DRC8: variants seen among roughly 807,000 people sequenced by gnomAD.
DRC8 encodes dynein regulatory complex subunit 8, also known as dynein regulatory complex protein 8.
At chr1:245,067,676 C>T in the DRC8 span, among the ~76,000 whole-genome samples, 1 of 151,984 alleles carries the variant, frequency 6.6e-6, no homozygotes, top group Non-Finnish European at 1.5e-5. Context: ...AGAACAAGAT[C>T]CACGTAATCT....
the DRC8 span, chr1:245,002,164 T>C: frequency 2.9e-5 from 46 of 1,610,020 alleles, no homozygotes; most frequent in Middle Eastern, 1.6e-4. Context: ...CGGACTTTAC[T>C]GATCGAACAT....
chr1:245,054,303 C>G, the DRC8 span, among the ~76,000 whole-genome samples: 1 of 152,108 alleles, frequency 6.6e-6, no homozygotes, highest in South Asian at 2.1e-4. Flanking sequence ...CCTCACGCCT[C>G]AGCCTCATGA....
chr1:245,124,198 G>C, the DRC8 span: 3 of 170,832 alleles, frequency 1.8e-5, no homozygotes, highest in Admixed American at 1.7e-4. Flanking sequence ...GGTGTCACTA[G>C]GTACCACGTT....
At chr1:244,995,928 C>T in the DRC8 span, among the ~76,000 whole-genome samples, 372 of 152,364 alleles carry the variant, frequency 2.4e-3, 3 homozygotes, top group African/African-American at 7.6e-3. Flanking sequence ...GCATGTGTTA[C>T]GCCAGCTCCC....
chr1:244,969,866 G>T, the DRC8 span: 5 of 418,724 alleles, frequency 1.2e-5, no homozygotes, highest in South Asian at 1.8e-4. Flanking sequence ...GCCGCTTCCC[G>T]GCGGGAGGCG....
At chr1:245,053,794 G>A in the DRC8 span, among the ~76,000 whole-genome samples, 1 of 152,218 alleles carries the variant, frequency 6.6e-6, no homozygotes, top group East Asian at 1.9e-4. Context: ...CAGCAGAGAA[G>A]AGGATGGTGA....
chr1:245,076,109 T>G, the DRC8 span, among the ~76,000 whole-genome samples: 25 of 152,310 alleles, frequency 1.6e-4, no homozygotes, highest in African/African-American at 5.5e-4. Context: ...GAGGCAAACT[T>G]CTGTATAAAC....
At chr1:245,114,839 C>T in the DRC8 span, among the ~76,000 whole-genome samples, 1 of 152,164 alleles carries the variant, frequency 6.6e-6, no homozygotes, top group African/African-American at 2.4e-5. Context: ...GATTCTCTTG[C>T]CTCAGCCTCC....
At chr1:245,062,696 T>C in the DRC8 span, among the ~76,000 whole-genome samples, 25 of 152,172 alleles carry the variant, frequency 1.6e-4, no homozygotes, top group Admixed American at 3.3e-4. Flanking sequence ...TTTATTGGGG[T>C]GACCATCTGC....
the DRC8 span, among the ~76,000 whole-genome samples, chr1:245,047,318 G>A: frequency 1.3e-5 from 2 of 152,156 alleles, no homozygotes; most frequent in Non-Finnish European, 2.9e-5. Flanking sequence ...TTACACTAAA[G>A]TAAACTAATG....
chr1:245,053,566 A>G, the DRC8 span, among the ~76,000 whole-genome samples: 1 of 152,230 alleles, frequency 6.6e-6, no homozygotes, highest in African/African-American at 2.4e-5. Context: ...AGCAGTTTGT[A>G]GGTGTACAGG....
chr1:244,975,860 A>T, the DRC8 span, among the ~76,000 whole-genome samples: 1 of 152,034 alleles, frequency 6.6e-6, no homozygotes. Flanking sequence ...ACTCTGTCTC[A>T]AAATAAATAA....
At chr1:245,071,709 C>A in the DRC8 span, among the ~76,000 whole-genome samples, 60 of 152,290 alleles carry the variant, frequency 3.9e-4, no homozygotes, top group East Asian at 9.4e-3. Flanking sequence ...GCTCATTGAT[C>A]AGTTTCTGGA....
At chr1:244,990,871 C>T in the DRC8 span, among the ~76,000 whole-genome samples, 4 of 151,854 alleles carry the variant, frequency 2.6e-5, no homozygotes, top group Admixed American at 2.6e-4. Flanking sequence ...TAGTTCTACT[C>T]AGTACTTCTG....
At chr1:245,100,785 AAAAT>A in the DRC8 span, among the ~76,000 whole-genome samples, 7 of 136,868 alleles carry the variant, frequency 5.1e-5, no homozygotes, top group Admixed American at 7.8e-5. Flanking sequence ...CTGTCTCAAC[AAAAT>A]AAATAATAAT....
the DRC8 span, chr1:245,087,427 A>G: frequency 1.8e-5 from 27 of 1,507,412 alleles, no homozygotes; most frequent in African/African-American, 1.4e-5. Flanking sequence ...TTAATTTCAC[A>G]TCTTATCTTA....
the DRC8 span, among the ~76,000 whole-genome samples, chr1:245,027,937 G>A: frequency 1.3e-5 from 2 of 151,548 alleles, no homozygotes; most frequent in African/African-American, 4.9e-5. Flanking sequence ...TGTCACCCAG[G>A]CAGGAATGCA....
the DRC8 span, among the ~76,000 whole-genome samples, chr1:245,011,346 G>A: frequency 6.6e-6 from 1 of 152,068 alleles, no homozygotes; most frequent in East Asian, 1.9e-4. Flanking sequence ...TTATTCACAC[G>A]GAAGTACTTA....
chr1:245,075,990 G>A, the DRC8 span, among the ~76,000 whole-genome samples: 3 of 152,188 alleles, frequency 2.0e-5, no homozygotes, highest in Non-Finnish European at 4.4e-5. Flanking sequence ...TCTAGACATG[G>A]GGCGAGGCAA....
Sources: gnomAD v4.1 joint callset for allele counts (sites outside exome capture counted in the v4.1 genomes callset) on GRCh38, gnomAD v4.1.1 for gene constraint, MANE v1.5 for transcripts, NCBI Gene and HGNC (gene_info 2026-07-23, HGNC 2026-07-21) for gene names.